The following ZNF148 variants were observed in gnomAD, a reference collection of about 807,000 sequenced individuals.
ZNF148 encodes zinc finger protein 148, also known as Beta-Enolase Repressor Factor-1.
In ZNF148, 7 loss-of-function variants were observed where a neutral mutation model predicts 67.7. The observed-to-expected ratio is 0.10, with a 90% CI of 0.06 to 0.19. ZNF148 has a LOEUF of 0.19. Ranked by LOEUF, ZNF148 falls within the 10% of genes least tolerant of loss-of-function variation. ZNF148 has a pLI of 1.00. For synonymous variants in ZNF148, 333 were observed against 330.7 expected (o/e 1.01, Z -0.08); for missense variants, 583 against 947.1 (o/e 0.62, Z 5.05).
rs1455167148 is a variant in ZNF148 at position 125,233,671 on chromosome 3, C to G, written c.1055G>C (p.Ser352Thr). ...KNDYLPLYSSSTKVKDEYMVA... is the reference protein window; with the variant it reads ...KNDYLPLYSSTTKVKDEYMVA... ...CATATACTCATCTTTTACTTTAGTA[C>G]TTGAAGAATAAAGAGGCAAGTAATC... is the stretch of plus-strand genomic sequence containing the variant. The change falls in exon 9 of 9, where the codon AGT (serine) becomes ACT (threonine). Residue 352 changes from serine to threonine, a missense_variant. By Grantham distance (58) the Ser-to-Thr change is moderately conservative. Transcript: ENST00000360647. This position sits in a 1 kb window ranked among gnomAD's most constrained non-coding sequence, Gnocchi z 5.1. 3.7e-6 allele frequency: 6 copies of G among 1,613,822 alleles called. No homozygotes were observed. The African/African-American group carries it at 8.0e-5, about 22-fold the overall frequency.
At chr3:125,374,835 C>G (rs140008931) in intron 1 of ZNF148, among the ~76,000 whole-genome samples, 37 of 152,146 alleles carry the variant, frequency 2.4e-4, no homozygotes, top group Non-Finnish European at 4.1e-4. Context: ...CGCCTCCAGC[C>G]TCGGAGGCCG....
Position 125,226,424 on chromosome 3 carries a change from A to G in ZNF148, c.*5917T>C, listed in dbSNP as rs572753426. 1 of 152,574 alleles carries G rather than the reference A, an allele frequency of 6.6e-6. No individual in the cohort carries two copies. Among genetic ancestry groups the G allele is most frequent in the Non-Finnish European group, 1.5e-5 (1 of 68,024 alleles). The allele number at this position is 152,574 out of a possible 1,614,324, so 9.5% of individuals were successfully genotyped here. On this transcript the variant is annotated 3_prime_UTR_variant, in exon 9 of 9. Transcript: ENST00000360647. Reference sequence around the variant, plus strand: ...GCCAGTGTCCACATTTAAAATGCAGAATTTGCAAATATTAGTCTAATAATT... The same window carrying G: ...GCCAGTGTCCACATTTAAAATGCAGGATTTGCAAATATTAGTCTAATAATT...
intron 1 of ZNF148, among the ~76,000 whole-genome samples, chr3:125,336,031 GATC>G (rs1367023450): frequency 2.4e-4 from 37 of 152,330 alleles, no homozygotes; most frequent in African/African-American, 8.2e-4. Flanking sequence ...TCCTAAGTAT[GATC>G]ATCCTTTGAA....
chr3:125,269,086 G>T (rs71325825), intron 7 of ZNF148, among the ~76,000 whole-genome samples: 2 of 151,588 alleles, frequency 1.3e-5, no homozygotes, highest in Admixed American at 1.3e-4. Context: ...GTATGAAAAA[G>T]GTCAGGCACA....
At position 125,304,968 on chromosome 3, in the gene ZNF148, CAAG is replaced by C. The variant is rs531574874; in HGVS notation, c.333+8337_333+8339del. On this transcript the variant is annotated intron_variant, in intron 4 of 8. Transcript: ENST00000360647. ...TACTCAACGACTGACGAGATATGTC[CAAG>C]AACATAAAACCTGCTTGAAAAGGCT... Among the ~76,000 whole-genome samples the C allele has an allele frequency of 1.9e-4, 29 of 152,248 alleles. No homozygotes were observed. The East Asian group carries it at 3.7e-3, about 19-fold the overall frequency.
intron 7 of ZNF148, among the ~76,000 whole-genome samples, chr3:125,247,274 C>G (rs1443335256): frequency 1.3e-5 from 2 of 152,062 alleles, no homozygotes; most frequent in African/African-American, 2.4e-5. Context: ...TGTAAAATAA[C>G]AGATTGGGGT....
chr3:125,271,442 C>G (rs544684059), intron 7 of ZNF148, among the ~76,000 whole-genome samples: 1 of 152,288 alleles, frequency 6.6e-6, no homozygotes, highest in South Asian at 2.1e-4. Context: ...CTGGCTTTGC[C>G]CTTACCTGAA....
intron 1 of ZNF148, among the ~76,000 whole-genome samples, chr3:125,360,978 C>CCA: frequency 6.6e-6 from 1 of 151,870 alleles, no homozygotes; most frequent in East Asian, 1.9e-4. Context: ...CTGCAGTGAG[C>CCA]CATGACTGGA....
Position 125,232,041 on chromosome 3 carries a change from A to C in ZNF148, c.*300T>G. ...GAATGTACAATGTTATCAGTTAGGA[A>C]ACAATTGTGCGAAAGTCTTTTTTTT... is the stretch of plus-strand genomic sequence containing the variant. On this transcript the variant is annotated 3_prime_UTR_variant, in exon 9 of 9. Coordinates refer to ENST00000360647, the MANE Select transcript of ZNF148 (RefSeq NM_021964.3). This position sits in a 1 kb window ranked among gnomAD's most constrained non-coding sequence, Gnocchi z 4.2. 9 of 246,730 alleles carry C rather than the reference A, an allele frequency of 3.6e-5. No individual in the cohort carries two copies. Among genetic ancestry groups the C allele is most frequent in the Non-Finnish European group, 4.7e-5 (6 of 127,258 alleles). 15.3% of individuals were successfully genotyped at this position (246,730 alleles called of 1,614,324 possible). A position where few individuals can be genotyped will look rare whatever the true frequency, so the allele number is the denominator to read the frequency against.
chr3:125,335,297 G>A (rs995645281), intron 1 of ZNF148, among the ~76,000 whole-genome samples: 1 of 151,964 alleles, frequency 6.6e-6, no homozygotes, highest in African/African-American at 2.4e-5. Context: ...TTTCCTCCCA[G>A]GAAATCAGGC....
intron 1 of ZNF148, among the ~76,000 whole-genome samples, chr3:125,369,919 C>T (rs201964672): frequency 3.3e-4 from 3 of 8,972 alleles, no homozygotes; most frequent in Non-Finnish European, 7.6e-4. Context: ...GAGTTTGAAC[C>T]CAGCAGTGAG....
chr3:125,255,236 CTTTTTTTTTTT>C (rs59309462), intron 7 of ZNF148, among the ~76,000 whole-genome samples: 1 of 62,136 alleles, frequency 1.6e-5, no homozygotes, highest in Non-Finnish European at 2.8e-5. Flanking sequence ...TCTCCACCTG[CTTTTTTTTTTT>C]TTTTTTTTTT....
At chr3:125,281,246 A>C (rs1400909047) in intron 5 of ZNF148, among the ~76,000 whole-genome samples, 1 of 152,216 alleles carries the variant, frequency 6.6e-6, no homozygotes, top group Non-Finnish European at 1.5e-5. Flanking sequence ...AGAGTCAAAG[A>C]AAGTGGAAAG....
chr3:125,234,915 T>G (rs1298394312), intron 7 of ZNF148, among the ~76,000 whole-genome samples: 1 of 152,208 alleles, frequency 6.6e-6, no homozygotes, highest in Non-Finnish European at 1.5e-5. Context: ...GTATTGTTAA[T>G]TGGACACATA....
At chr3:125,294,504 A>G (rs753863915) in intron 4 of ZNF148, among the ~76,000 whole-genome samples, 1 of 152,236 alleles carries the variant, frequency 6.6e-6, no homozygotes, top group Admixed American at 6.5e-5. Flanking sequence ...TCAAAATGAA[A>G]AGTTAAACTA....
chr3:125,346,161 G>C (rs781034862), intron 1 of ZNF148, among the ~76,000 whole-genome samples: 21 of 152,174 alleles, frequency 1.4e-4, no homozygotes, highest in Non-Finnish European at 1.5e-5. Context: ...ATGCAAGGTT[G>C]GCTTAAGATT....
At chr3:125,335,303 C>T (rs1559764679) in intron 1 of ZNF148, among the ~76,000 whole-genome samples, 1 of 152,106 alleles carries the variant, frequency 6.6e-6, no homozygotes, top group Non-Finnish European at 1.5e-5. Flanking sequence ...CCCAGGAAAT[C>T]AGGCTCTAGA....
At chr3:125,268,594 AT>A (rs1166381979) in intron 7 of ZNF148, among the ~76,000 whole-genome samples, 2 of 152,224 alleles carry the variant, frequency 1.3e-5, no homozygotes, top group African/African-American at 4.8e-5. Context: ...AACAAAAACT[AT>A]AAAAATCCTG....
intron 1 of ZNF148, among the ~76,000 whole-genome samples, chr3:125,336,248 A>T (rs774521934): frequency 6.6e-6 from 1 of 152,250 alleles, no homozygotes; most frequent in African/African-American, 2.4e-5. Flanking sequence ...CACACATGGC[A>T]TAAGAATCTG....
Sources: allele counts gnomAD v4.1 joint callset (sites outside exome capture counted in the v4.1 genomes callset), GRCh38; gene constraint gnomAD v4.1.1; non-coding constraint Gnocchi (gnomAD v3.1); transcripts MANE v1.5; gene names NCBI Gene and HGNC (gene_info 2026-07-23, HGNC 2026-07-21).